PIK3CD: variants seen among roughly 807,000 people sequenced by gnomAD.
PIK3CD encodes phosphatidylinositol-4,5-bisphosphate 3-kinase catalytic subunit delta, also known as phosphatidylinositol 4,5-bisphosphate 3-kinase catalytic subunit delta isoform.
Under a neutral mutation model 122.9 loss-of-function variants are expected in PIK3CD, and 20 were observed. The ratio of observed to expected loss-of-function variants is 0.16; its 90% CI spans 0.11 to 0.24. The LOEUF is 0.24. Among genes scored for constraint, PIK3CD ranks in the 10% least tolerant of loss-of-function variants. The pLI, the probability that PIK3CD is intolerant of heterozygous loss-of-function variation, is 1.00. For synonymous variants in PIK3CD, 596 were observed against 593.4 expected (o/e 1.00, Z -0.06); for missense variants, 787 against 1,406.3 (o/e 0.56, Z 7.04).
intron 2 of PIK3CD, chr1:9,691,863 A>G: frequency 3.6e-6 from 1 of 274,772 alleles, no homozygotes; most frequent in Non-Finnish European, 6.7e-6. Flanking sequence ...AAGCTGCAGC[A>G]TTTGGTATTT....
At chr1:9,691,345 A>C (rs1646189322) in intron 1 of PIK3CD, 122 bp from the exon 2 acceptor site, 1 of 390,122 alleles carries the variant, frequency 2.6e-6, no homozygotes, top group African/African-American at 2.1e-5. Context: ...GTTTGCAAAA[A>C]GGAGAGACCT....
chr1:9,712,212 A>G (rs1175704091), intron 3 of PIK3CD, among the ~76,000 whole-genome samples: 1 of 152,180 alleles, frequency 6.6e-6, no homozygotes, highest in Non-Finnish European at 1.5e-5. Flanking sequence ...CTTACTAAGC[A>G]TGGGACTTGA....
In PIK3CD at chr1:9,719,799, G is replaced by A; in HGVS notation, c.1243-122G>A. The A allele has an allele frequency of 1.2e-6, 1 of 829,564 alleles. No individual in the cohort carries two copies. Among genetic ancestry groups the A allele is most frequent in the South Asian group, 1.3e-5 (1 of 74,250 alleles). The allele number at this position is 829,564 out of a possible 1,614,324, so 51.4% of individuals were successfully genotyped here. ...CTTCCCCAAGCAGGGTCTCCCAGGG[G>A]TCTGGTTGGGAGATGTTAGCTGGGC... On this transcript the variant is annotated intron_variant, in intron 9 of 23. Coordinates refer to ENST00000377346, the MANE Select transcript of PIK3CD (RefSeq NM_005026.5). This position sits in a 1 kb window ranked among gnomAD's most constrained non-coding sequence, Gnocchi z 5.5.
chr1:9,660,240 C>T (rs1031298158), intron 1 of PIK3CD, among the ~76,000 whole-genome samples: 2 of 152,298 alleles, frequency 1.3e-5, no homozygotes, highest in East Asian at 1.9e-4. Context: ...TCCATTCACC[C>T]GATGGACACT....
intron 1 of PIK3CD, among the ~76,000 whole-genome samples, chr1:9,687,832 G>A (rs979576783): frequency 6.6e-6 from 1 of 152,180 alleles, no homozygotes; most frequent in Non-Finnish European, 1.5e-5. Flanking sequence ...GTGACTTCTA[G>A]GGACGGCCAG....
rs367788821 is a variant in PIK3CD, at chr1:9,661,893, G to C, written c.-138+10091G>C. Among the ~76,000 whole-genome samples, 28 of 152,328 alleles carry C rather than the reference G, an allele frequency of 1.8e-4. No homozygotes were observed. In the South Asian group the frequency reaches 3.9e-3, roughly 21 times the overall value. ...CACCTGTAGTCCCAGCTACTTGGGA[G>C]GCTGAGGCAGGACAATGGTGTGGAC... On this transcript the variant is annotated intron_variant, in intron 1 of 23. Transcript: ENST00000377346.
At chr1:9,675,046 G>C (rs112147383) in intron 1 of PIK3CD, among the ~76,000 whole-genome samples, 2 of 143,162 alleles carry the variant, frequency 1.4e-5, no homozygotes, top group Non-Finnish European at 3.0e-5. Context: ...AAGAGAGAGA[G>C]AGAAAGAAAG....
At chr1:9,677,127 A>G (rs986819666) in intron 1 of PIK3CD, among the ~76,000 whole-genome samples, 1 of 152,066 alleles carries the variant, frequency 6.6e-6, no homozygotes, top group Non-Finnish European at 1.5e-5. Context: ...CCGGGTAGGG[A>G]AGGAGGGCCT....
chr1:9,655,042 G>A (rs764563341), intron 1 of PIK3CD, among the ~76,000 whole-genome samples: 5 of 150,832 alleles, frequency 3.3e-5, no homozygotes, highest in Non-Finnish European at 7.4e-5. Flanking sequence ...ACTCCAGCCT[G>A]GGCAACAGAG....
chr1:9,670,859 G>C (rs1209244657), intron 1 of PIK3CD, among the ~76,000 whole-genome samples: 5 of 151,932 alleles, frequency 3.3e-5, no homozygotes, highest in African/African-American at 1.2e-4. Flanking sequence ...CCTGGTTCAA[G>C]CGATTCTCAT....
At chr1:9,675,911 T>C (rs1645516652) in intron 1 of PIK3CD, among the ~76,000 whole-genome samples, 2 of 150,334 alleles carry the variant, frequency 1.3e-5, no homozygotes, top group South Asian at 4.2e-4. Context: ...GACTACTGTG[T>C]GCACCGCCAC....
rs1227173035 is a variant in PIK3CD, at chr1:9,704,658, G to A, written c.-32-5766G>A. 1.3e-5 allele frequency among the ~76,000 whole-genome samples: 2 copies of A among 152,174 alleles called. No individual in the cohort carries two copies. Among genetic ancestry groups the A allele is most frequent in the Admixed American group, 6.6e-5 (1 of 15,266 alleles). ...CTCCCAAGTAGCCGGGACTACAGGC[G>A]TGAGCCACCATGACCGGCTAATTTT... On this transcript the variant is annotated intron_variant, in intron 2 of 23. Coordinates refer to ENST00000377346, the MANE Select transcript of PIK3CD (RefSeq NM_005026.5). This position sits in a 1 kb window ranked among gnomAD's most constrained non-coding sequence, Gnocchi z 5.0.
At chr1:9,630,703 A>AGTGTGTGTGT in the PIK3CD span, among the ~76,000 whole-genome samples, 5 of 96,948 alleles carry the variant, frequency 5.2e-5, no homozygotes, top group East Asian at 1.3e-3. Context: ...TAGCAAAGAA[A>AGTGTGTGTGT]GTGAGTGTGT....
Position 9,722,328 on chromosome 1 carries a change from C to T in PIK3CD, c.2319C>T (p.Ser773=), listed in dbSNP as rs139848768. The part of the protein sequence containing the change: ...YSNEEAGSGG[S]VGIIFKNGDD... Reference sequence around the variant, plus strand: ...ACGAGGAGGCAGGCAGCGGCGGCAGCGTGGGCATCATCTTTAAGAACGGGG... The same window carrying T: ...ACGAGGAGGCAGGCAGCGGCGGCAGTGTGGGCATCATCTTTAAGAACGGGG... The change falls in exon 18 of 24, where the codon AGC becomes AGT. Residue 773 remains serine, a synonymous_variant. Transcript: ENST00000377346. This position sits in a 1 kb window ranked among gnomAD's most constrained non-coding sequence, Gnocchi z 7.6. 0.016 allele frequency: 25,621 copies of T among 1,612,866 alleles called. 263 individuals carry two copies. Among genetic ancestry groups the T allele is most frequent in the Non-Finnish European group, 0.019 (22,927 of 1,179,594 alleles).
intron 6 of PIK3CD, 74 bp from the exon 7 acceptor site, chr1:9,716,885 G>A: frequency 1.2e-6 from 2 of 1,600,440 alleles, no homozygotes; most frequent in Non-Finnish European, 1.7e-6. Context: ...CAGCTTGGGG[G>A]GTCCTGGGAA....
At position 9,700,274 on chromosome 1, in the gene PIK3CD, C is replaced by T. The variant is rs1432747215; in HGVS notation, c.-33+8703C>T. Among the ~76,000 whole-genome samples, 1 of 152,022 alleles carries T rather than the reference C, an allele frequency of 6.6e-6. No individual in the cohort carries two copies. The highest frequency in any genetic ancestry group is 1.5e-5 in the Non-Finnish European group (1 of 67,998). ...GCCTCCCAATAGCTGAGGTCAGATCCCTCAGACGTTCACAGCTGGGACGCC... is the reference window on the plus strand; with the variant it reads ...GCCTCCCAATAGCTGAGGTCAGATCTCTCAGACGTTCACAGCTGGGACGCC... On this transcript the variant is annotated intron_variant, in intron 2 of 23. Transcript: ENST00000377346. The surrounding 1 kb of genome is among the most constrained non-coding windows in gnomAD (Gnocchi z 5.1).
In PIK3CD at chr1:9,727,437, C is replaced by G. The variant is rs996340301; in HGVS notation, c.*391C>G. ...TGGCGGTCACCTGGTGCCTACTGTC[C>G]GACAGGATGCCTTGATCCTCGTGCG... On this transcript the variant is annotated 3_prime_UTR_variant, in exon 24 of 24. Coordinates refer to ENST00000377346, the MANE Select transcript of PIK3CD (RefSeq NM_005026.5). The G allele has an allele frequency of 7.4e-6, 3 of 406,452 alleles. No homozygotes were observed. Among genetic ancestry groups the G allele is most frequent in the Non-Finnish European group, 1.4e-5 (3 of 214,930 alleles). 25.2% of individuals were successfully genotyped at this position (406,452 alleles called of 1,614,324 possible). A position where few individuals can be genotyped will look rare whatever the true frequency, so the allele number is the denominator to read the frequency against.
intron 1 of PIK3CD, chr1:9,653,499 G>T (rs532309715): frequency 2.4e-4 from 60 of 254,352 alleles, no homozygotes; most frequent in African/African-American, 1.3e-3. Context: ...CGTTGCTTGC[G>T]GGGGAAGGAG....
Position 9,720,290 on chromosome 1 carries a change from C to T in PIK3CD, c.1470+48C>T, listed in dbSNP as rs1648318289. The T allele has an allele frequency of 6.3e-7, 1 of 1,574,814 alleles. No individual in the cohort carries two copies. The highest frequency in any genetic ancestry group is 1.2e-5 in the South Asian group (1 of 86,816). Reference sequence around the variant, plus strand: ...GAGGCTGAGGGGCTGGCGCGGAGCTCTCCTGGCCCTGCTCCTGGAGCTCTT... The same window carrying T: ...GAGGCTGAGGGGCTGGCGCGGAGCTTTCCTGGCCCTGCTCCTGGAGCTCTT... On this transcript the variant is annotated intron_variant, in intron 11 of 23. Transcript: ENST00000377346. The surrounding 1 kb of genome is among the most constrained non-coding windows in gnomAD (Gnocchi z 9.0).
Sources: gnomAD v4.1 joint callset for allele counts (sites outside exome capture counted in the v4.1 genomes callset) on GRCh38, gnomAD v4.1.1 for gene constraint, Gnocchi (gnomAD v3.1) non-coding constraint, MANE v1.5 for transcripts, NCBI Gene and HGNC (gene_info 2026-07-23, HGNC 2026-07-21) for gene names.